Variants in TMEM8B observed in about 807,000 individuals in gnomAD.
TMEM8B encodes the protein nasopharyngeal carcinoma expressed 6.
TMEM8B carries 29 observed loss-of-function variants against 49.3 expected under a neutral mutation model. That is an observed-to-expected ratio of 0.59 (90% CI 0.44 to 0.80). The LOEUF is 0.80. TMEM8B is among the 30% of genes least tolerant of loss of function. The probability of loss-of-function intolerance (pLI) is 0.00; values close to 1 mark genes in which losing one functional copy is unlikely to be tolerated. For missense variants in TMEM8B, 575 were observed against 658.5 expected (o/e 0.87, Z 1.39); for synonymous variants, 264 against 272.8 (o/e 0.97, Z 0.32).
rs1290293235 is a variant in TMEM8B, at chr9:35,846,862, A to G, written c.2042A>G (p.Tyr681Cys). The change falls in exon 10 of 13, where the codon TAT (tyrosine) becomes TGT (cysteine). Residue 681 changes from tyrosine to cysteine, a missense_variant. Coordinates refer to ENST00000643932, the MANE Select transcript of TMEM8B (RefSeq NM_001042590.4). ...GCTDSADALT[Y>C]GFQLLSTLLL... ...ACCGACAGTGCAGATGCGCTCACCT[A>G]TGGATTCCAGCTGCTGTCCACACTC... The G allele has an allele frequency of 1.9e-6, 3 of 1,614,042 alleles. No homozygotes were observed. Among genetic ancestry groups the G allele is most frequent in the Non-Finnish European group, 1.7e-6 (2 of 1,180,032 alleles).
At chr9:35,852,384 C>T (rs1160239003) in intron 10 of TMEM8B, among the ~76,000 whole-genome samples, 1 of 152,150 alleles carries the variant, frequency 6.6e-6, no homozygotes, top group African/African-American at 2.4e-5. Flanking sequence ...AAGCCCAGTT[C>T]AGAGTCTGAG....
rs1832460314 is a variant in TMEM8B, at chr9:35,854,931, C to T, written c.*1091C>T. The T allele has an allele frequency of 6.6e-6, 1 of 152,176 alleles. No homozygotes were observed. Among genetic ancestry groups the T allele is most frequent in the South Asian group, 2.1e-4 (1 of 4,828 alleles). 9.4% of individuals were successfully genotyped at this position (152,176 alleles called of 1,614,324 possible). A position where few individuals can be genotyped will look rare whatever the true frequency, so the allele number is the denominator to read the frequency against. On this transcript the variant is annotated 3_prime_UTR_variant, in exon 13 of 13. Transcript: ENST00000643932. Reference sequence around the variant, plus strand: ...AGGGTCATAGCTGAGTTCTGAGGGTCTTACATAATGCCAAGAAGTTGGGAG... The same window carrying T: ...AGGGTCATAGCTGAGTTCTGAGGGTTTTACATAATGCCAAGAAGTTGGGAG...
intron 3 of TMEM8B, among the ~76,000 whole-genome samples, chr9:35,839,390 C>A (rs1365164326): frequency 6.6e-6 from 1 of 152,202 alleles, no homozygotes; most frequent in Non-Finnish European, 1.5e-5. Context: ...TCTGCCCTGG[C>A]AGCTCTTGAG....
At chr9:35,848,448 C>T (rs576981934) in intron 10 of TMEM8B, among the ~76,000 whole-genome samples, 1 of 152,168 alleles carries the variant, frequency 6.6e-6, no homozygotes, top group Admixed American at 6.5e-5. Context: ...AGTAAGAATA[C>T]CTAAGTGTGT....
rs779170908 is a variant in TMEM8B, at chr9:35,861,209, C to T, written c.*7369C>T. ...CTTCCGGGCTAGATTTCTTCTTTCTCTTATTCCTCCTGTTTCGTTGTATCC... is the reference window on the plus strand; with the variant it reads ...CTTCCGGGCTAGATTTCTTCTTTCTTTTATTCCTCCTGTTTCGTTGTATCC... On this transcript the variant is annotated 3_prime_UTR_variant, in exon 13 of 13. Coordinates refer to ENST00000643932, the MANE Select transcript of TMEM8B (RefSeq NM_001042590.4). 6.6e-6 allele frequency: 1 copy of T among 152,308 alleles called. No individual in the cohort carries two copies. Among genetic ancestry groups the T allele is most frequent in the Non-Finnish European group, 1.5e-5 (1 of 68,096 alleles). 9.4% of individuals were successfully genotyped at this position (152,308 alleles called of 1,614,324 possible).
Position 35,853,174 on chromosome 9 carries a change from A to G in TMEM8B, c.2356A>G (p.Met786Val), listed in dbSNP as rs748640951. ...TTTGCTGGGAGCTATGCTGCTGTCC[A>G]TGGCTCTGCAGCTTGACCGACATGG... ...LYLLGAMLLS[M>V]ALQLDRHGLW... The change falls in exon 12 of 13, where the codon ATG becomes GTG. Residue 786 changes from methionine to valine, a missense_variant. By Grantham distance (21) the Met-to-Val change is conservative. Coordinates refer to ENST00000643932, the MANE Select transcript of TMEM8B (RefSeq NM_001042590.4). The surrounding 1 kb of genome is among the most constrained non-coding windows in gnomAD (Gnocchi z 4.2). The G allele has an allele frequency of 2.5e-6, 4 of 1,614,038 alleles. No individual in the cohort carries two copies. Among genetic ancestry groups the G allele is most frequent in the South Asian group, 1.1e-5 (1 of 91,086 alleles).
chr9:35,831,434 G>A (rs1003336608), intron 1 of TMEM8B, among the ~76,000 whole-genome samples: 2 of 152,218 alleles, frequency 1.3e-5, no homozygotes, highest in Non-Finnish European at 2.9e-5. Context: ...AGTGTTGCAT[G>A]CCTCCCATAA....
At position 35,860,947 on chromosome 9, in the gene TMEM8B, G is replaced by A. The variant is rs1212416903; in HGVS notation, c.*7107G>A. On this transcript the variant is annotated 3_prime_UTR_variant, in exon 13 of 13. Transcript: ENST00000643932. ...CAGAGCTGCTCTCACTTCTCCTCGG[G>A]AAAGGCCAGCGTCAGGTATTCCTAG... The A allele has an allele frequency of 1.3e-5, 2 of 152,260 alleles. No homozygotes were observed. Among genetic ancestry groups the A allele is most frequent in the African/African-American group, 2.4e-5 (1 of 41,462 alleles). 9.4% of individuals were successfully genotyped at this position (152,260 alleles called of 1,614,324 possible).
intron 10 of TMEM8B, among the ~76,000 whole-genome samples, chr9:35,850,933 AG>A (rs1832077952): frequency 6.6e-6 from 1 of 152,212 alleles, no homozygotes; most frequent in African/African-American, 2.4e-5. Flanking sequence ...AGTGGCCTAT[AG>A]TACTTATGTC....
rs1328568351 is a variant in TMEM8B at position 35,859,747 on chromosome 9, G to A, written c.*5907G>A. On this transcript the variant is annotated 3_prime_UTR_variant, in exon 13 of 13. Coordinates refer to ENST00000643932, the MANE Select transcript of TMEM8B (RefSeq NM_001042590.4). ...GTTTCCAGGAAATTGTCTAGCATGA[G>A]AGGCACAAAGGAGGAGGTGCCGCAG... 6.5e-6 allele frequency: 1 copy of A among 154,558 alleles called. No individual in the cohort carries two copies. The highest frequency in any genetic ancestry group is 6.5e-5 in the Admixed American group (1 of 15,296). The allele number at this position is 154,558 out of a possible 1,614,324, so 9.6% of individuals were successfully genotyped here.
intron 3 of TMEM8B, among the ~76,000 whole-genome samples, chr9:35,839,611 G>T (rs931510050): frequency 6.6e-6 from 1 of 152,172 alleles, no homozygotes; most frequent in Non-Finnish European, 1.5e-5. Context: ...ACTCCAAAAC[G>T]TGGAGCAAAG....
intron 10 of TMEM8B, among the ~76,000 whole-genome samples, chr9:35,849,192 A>T (rs959456980): frequency 6.6e-6 from 1 of 152,184 alleles, no homozygotes; most frequent in African/African-American, 2.4e-5. Context: ...GTCAAATTGC[A>T]GTTGTCAGTA....
Position 35,853,978 on chromosome 9 carries a change from A to G in TMEM8B, c.*138A>G. On this transcript the variant is annotated 3_prime_UTR_variant, in exon 13 of 13. Transcript: ENST00000643932. The surrounding 1 kb of genome is among the most constrained non-coding windows in gnomAD (Gnocchi z 4.2). ...TTTCTCAAGGACACAAAACTCTTCC[A>G]GGGACCTGGAGCCCTTCCCAGGACA... 1 of 1,369,474 alleles carries G rather than the reference A, an allele frequency of 7.3e-7. No homozygotes were observed. Among genetic ancestry groups the G allele is most frequent in the Non-Finnish European group, 9.4e-7 (1 of 1,066,200 alleles). 84.8% of individuals were successfully genotyped at this position (1,369,474 alleles called of 1,614,324 possible).
In TMEM8B at chr9:35,853,419, G is replaced by T. The variant is rs997945180; in HGVS notation, c.2440-86G>T. ...GCAGGTGTCTTTAGGTCACAACCAG[G>T]ATACAGAGGAAACCTGAGAGTGACC... is the stretch of plus-strand genomic sequence containing the variant. On this transcript the variant is annotated intron_variant, in intron 12 of 12. Coordinates refer to ENST00000643932, the MANE Select transcript of TMEM8B (RefSeq NM_001042590.4). This position sits in a 1 kb window ranked among gnomAD's most constrained non-coding sequence, Gnocchi z 4.2. 7 of 1,534,476 alleles carry T rather than the reference G, an allele frequency of 4.6e-6. No individual in the cohort carries two copies. In the Admixed American group the frequency reaches 1.1e-4, roughly 25 times the overall value.
At chr9:35,843,594 CTG>C (rs1479140663) in intron 6 of TMEM8B, among the ~76,000 whole-genome samples, 4 of 152,204 alleles carry the variant, frequency 2.6e-5, no homozygotes, top group African/African-American at 9.7e-5. Context: ...CTGCATTACA[CTG>C]TGGGATCACC....
Position 35,854,157 on chromosome 9 carries a change from T to G in TMEM8B, c.*317T>G. The G allele has an allele frequency of 2.0e-6, 1 of 498,374 alleles. No individual in the cohort carries two copies. The highest frequency in any genetic ancestry group is 2.0e-5 in the African/African-American group (1 of 50,020). The allele number at this position is 498,374 out of a possible 1,614,324, so 30.9% of individuals were successfully genotyped here. On this transcript the variant is annotated 3_prime_UTR_variant, in exon 13 of 13. Coordinates refer to ENST00000643932, the MANE Select transcript of TMEM8B (RefSeq NM_001042590.4). ...ATGCAGAGCCTTCCCAAGACATGGA[T>G]TCCTTCCCAGGGAGACAAAGCCCTG...
chr9:35,848,675 C>CTTTTTTTTTTTTT (rs34593597), intron 10 of TMEM8B, among the ~76,000 whole-genome samples: 1 of 132,132 alleles, frequency 7.6e-6, no homozygotes, highest in African/African-American at 2.8e-5. Context: ...TGTTTTTTTT[C>CTTTTTTTTTTTTT]TTTTTTTTTT....
intron 3 of TMEM8B, among the ~76,000 whole-genome samples, chr9:35,836,342 A>T (rs1397204802): frequency 6.6e-6 from 1 of 152,078 alleles, no homozygotes; most frequent in Non-Finnish European, 1.5e-5. Context: ...GTAGGCCTTG[A>T]CTCTCATCAG....
In TMEM8B at chr9:35,852,961, C is replaced by T. The variant is rs369631507; in HGVS notation, c.2310C>T (p.Pro770=). 2.3e-5 allele frequency: 37 copies of T among 1,614,150 alleles called. No individual in the cohort carries two copies. Among genetic ancestry groups the T allele is most frequent in the African/African-American group, 5.3e-5 (4 of 75,026 alleles). The change falls in exon 11 of 13, where the codon CCC becomes CCT. Residue 770 remains proline, a synonymous_variant. Coordinates refer to ENST00000643932, the MANE Select transcript of TMEM8B (RefSeq NM_001042590.4). ...TCATTGCCATGGCTCGTTTACAGCC[C>T]GTGGTCAAGCAGGTCAGTCCAGAGT... ...VTVIAMARLQ[P]VVKQVLYLLG...
Sources: gnomAD v4.1 joint callset for allele counts (sites outside exome capture counted in the v4.1 genomes callset) on GRCh38, gnomAD v4.1.1 for gene constraint, Gnocchi (gnomAD v3.1) non-coding constraint, MANE v1.5 for transcripts, NCBI Gene and HGNC (gene_info 2026-07-23, HGNC 2026-07-21) for gene names.